GLT1D1: variants seen among roughly 807,000 people sequenced by gnomAD.
GLT1D1 encodes glycosyltransferase 1 domain-containing protein 1.
In GLT1D1, 21 loss-of-function variants were observed where a neutral mutation model predicts 28.7. The observed-to-expected ratio is 0.73, with a 90% CI of 0.52 to 1.05. The LOEUF (loss-of-function observed/expected upper bound fraction) is 1.05, where lower values mean the gene tolerates loss of function less well. Ranked by LOEUF, GLT1D1 falls within the 50% of genes least tolerant of loss-of-function variation. The probability of loss-of-function intolerance (pLI) is 0.00; values close to 1 mark genes in which losing one functional copy is unlikely to be tolerated. For synonymous variants in GLT1D1, 147 were observed against 124.8 expected (o/e 1.18, Z -1.19); for missense variants, 343 against 330.6 (o/e 1.04, Z -0.29).
chr12:128,907,264 G>C (rs1462944967), intron 4 of GLT1D1, among the ~76,000 whole-genome samples: 1 of 151,648 alleles, frequency 6.6e-6, no homozygotes, highest in Non-Finnish European at 1.5e-5. Flanking sequence ...ACCTCTGCAG[G>C]AGAAGCTCCA....
In GLT1D1 at chr12:128,957,659, T is replaced by C. The variant is rs1184558466; in HGVS notation, c.639+16T>C. 1 of 1,468,460 alleles carries C rather than the reference T, an allele frequency of 6.8e-7. No homozygotes were observed. The allele number at this position is 1,468,460 out of a possible 1,614,324, so 91.0% of individuals were successfully genotyped here. On this transcript the variant is annotated intron_variant, in intron 7 of 7. Coordinates refer to ENST00000281703, the MANE Select transcript of GLT1D1 (RefSeq NM_144669.3). ...CAATCCTCAGGTAAAGAAAAGTTCT[T>C]TCCCTCCATTCACTCACCTTATCTG...
At chr12:128,957,470 C>A in intron 6 of GLT1D1, 75 bp from the exon 11 acceptor site, 1 of 966,856 alleles carries the variant, frequency 1.0e-6, no homozygotes, top group Non-Finnish European at 1.7e-6. Flanking sequence ...GTTATTCTGC[C>A]CCGCCCTGAC....
intron 4 of GLT1D1, among the ~76,000 whole-genome samples, chr12:128,901,832 C>T (rs918674468): frequency 3.3e-5 from 5 of 151,104 alleles, no homozygotes; most frequent in Non-Finnish European, 4.4e-5. Flanking sequence ...ACTGGAGCCT[C>T]GAACACCTAG....
At chr12:128,974,128 T>A (rs1309920113) in intron 7 of GLT1D1, among the ~76,000 whole-genome samples, 2 of 152,092 alleles carry the variant, frequency 1.3e-5, no homozygotes, top group Admixed American at 1.3e-4. Context: ...AGAGGGCGCA[T>A]AGGAATAGTC....
intron 4 of GLT1D1, among the ~76,000 whole-genome samples, chr12:128,904,776 G>A (rs1660332940): frequency 2.0e-5 from 3 of 151,538 alleles, no homozygotes; most frequent in Admixed American, 1.3e-4. Flanking sequence ...TGGGATTACA[G>A]ATGCCCACCA....
intron 4 of GLT1D1, among the ~76,000 whole-genome samples, chr12:128,943,987 A>G (rs1875696300): frequency 6.6e-6 from 1 of 152,180 alleles, no homozygotes; most frequent in Non-Finnish European, 1.5e-5. Context: ...TTACTACCAA[A>G]TGCTCTTTTA....
chr12:128,913,133 C>T (rs1340004656), intron 4 of GLT1D1, among the ~76,000 whole-genome samples: 1 of 152,190 alleles, frequency 6.6e-6, no homozygotes, highest in Non-Finnish European at 1.5e-5. Context: ...ACTCTTCTCC[C>T]TTCATACTCC....
rs1300385804 is a variant in GLT1D1 at position 128,981,190 on chromosome 12, C to T, written c.640-1739C>T. ...TTACTCATAACCCCCCTCTCTCTTG[C>T]TTTATTTAAGTCTATGTTTTTTCGT... is the stretch of plus-strand genomic sequence containing the variant. On this transcript the variant is annotated intron_variant, in intron 7 of 7. Transcript: ENST00000281703. Among the ~76,000 whole-genome samples, 3 of 152,198 alleles carry T rather than the reference C, an allele frequency of 2.0e-5. No homozygotes were observed. The East Asian group carries it at 5.8e-4, about 29-fold the overall frequency.
chr12:128,975,115 G>T (rs1037293976), intron 7 of GLT1D1, among the ~76,000 whole-genome samples: 1 of 152,194 alleles, frequency 6.6e-6, no homozygotes, highest in African/African-American at 2.4e-5. Context: ...CACCATGTCT[G>T]TGGGTGGCCT....
At chr12:128,945,158 C>A (rs1470713240) in intron 4 of GLT1D1, 168 bp from the exon 9 acceptor site, 1 of 757,528 alleles carries the variant, frequency 1.3e-6, no homozygotes, top group East Asian at 2.5e-5. Context: ...TTGCCCGAGC[C>A]GGGGGCCCCC....
chr12:128,888,548 A>T, intron 2 of GLT1D1, 91 bp from the exon 3 acceptor site: 1 of 784,978 alleles, frequency 1.3e-6, no homozygotes, highest in Non-Finnish European at 2.1e-6. Flanking sequence ...GCGATCTGGG[A>T]ACTTCAGTGT....
intron 7 of GLT1D1, among the ~76,000 whole-genome samples, chr12:128,973,919 G>GGGGT (rs1555221933): frequency 9.9e-5 from 10 of 100,920 alleles, no homozygotes; most frequent in South Asian, 3.7e-4. Context: ...GTGTGTAGGG[G>GGGGT]GTGTGTGTGT....
In GLT1D1 at chr12:128,885,281, G is replaced by A. The variant is rs191635282; in HGVS notation, c.218-3358G>A. Among the ~76,000 whole-genome samples the A allele has an allele frequency of 5.9e-5, 9 of 152,264 alleles. No homozygotes were observed. In the East Asian group the frequency reaches 1.7e-3, roughly 29 times the overall value. ...TCTTTCGCCCAGGCTGGAGTGCAGT[G>A]GCACAATCTTGGCTCACTGCAACCT... is the stretch of plus-strand genomic sequence containing the variant. On this transcript the variant is annotated intron_variant, in intron 2 of 7. Transcript: ENST00000281703.
intron 7 of GLT1D1, among the ~76,000 whole-genome samples, chr12:128,962,682 A>G (rs189070684): frequency 6.6e-6 from 1 of 152,292 alleles, no homozygotes; most frequent in African/African-American, 2.4e-5. Flanking sequence ...AAATGCAGAC[A>G]ACTCAGTCAG....
At chr12:128,869,533 A>G (rs930188567) in intron 1 of GLT1D1, among the ~76,000 whole-genome samples, 4 of 152,012 alleles carry the variant, frequency 2.6e-5, no homozygotes, top group African/African-American at 9.7e-5. Context: ...TATTTATAAA[A>G]CATATTTGAA....
chr12:128,859,024 C>T (rs1371425414), intron 1 of GLT1D1, among the ~76,000 whole-genome samples: 1 of 152,162 alleles, frequency 6.6e-6, no homozygotes, highest in Non-Finnish European at 1.5e-5. Flanking sequence ...CAATGTATTT[C>T]TTAAATGTAT....
At chr12:128,979,255 C>A (rs1449381742) in intron 7 of GLT1D1, among the ~76,000 whole-genome samples, 1 of 152,204 alleles carries the variant, frequency 6.6e-6, no homozygotes, top group Non-Finnish European at 1.5e-5. Flanking sequence ...CAGCTTGAAG[C>A]CACACCTGCC....
Position 128,947,408 on chromosome 12 carries a change from G to A in GLT1D1, c.490G>A (p.Ala164Thr), listed in dbSNP as rs759619312. 6.5e-5 allele frequency: 105 copies of A among 1,613,970 alleles called. No individual in the cohort carries two copies. The highest frequency in any genetic ancestry group is 1.6e-4 in the South Asian group (15 of 91,086). ...GCACGCGGTGGTGAAGAATTGCTTCGCGGTGGTGAATAGCTCTGTCTCTGA... is the reference window on the plus strand; with the variant it reads ...GCACGCGGTGGTGAAGAATTGCTTCACGGTGGTGAATAGCTCTGTCTCTGA... The change falls in exon 6 of 8, where the codon GCG (alanine) becomes ACG (threonine). Residue 164 changes from alanine (A) to threonine (T), a missense_variant. Coordinates refer to ENST00000281703, the MANE Select transcript of GLT1D1 (RefSeq NM_144669.3).
rs56312500 is a variant in GLT1D1, at chr12:128,939,848, C to G, written c.376-5478C>G. On this transcript the variant is annotated intron_variant, in intron 4 of 7. Transcript: ENST00000281703. ...CCAAATTGTTAGAAACCCCCCCCCA[C>G]CGCCGATCCAATCACCTCCTACCAG... 2.8e-4 allele frequency among the ~76,000 whole-genome samples: 34 copies of G among 120,724 alleles called. 3 individuals are homozygous for G. Among genetic ancestry groups the G allele is most frequent in the Admixed American group, 5.2e-4 (6 of 11,632 alleles). The allele number at this position is 120,724 out of a possible 152,430, so 79.2% of individuals were successfully genotyped here. A position where few individuals can be genotyped will look rare whatever the true frequency, so the allele number is the denominator to read the frequency against.
Sources: gnomAD v4.1 joint callset for allele counts (sites outside exome capture counted in the v4.1 genomes callset) on GRCh38, gnomAD v4.1.1 for gene constraint, MANE v1.5 for transcripts, NCBI Gene and HGNC (gene_info 2026-07-23, HGNC 2026-07-21) for gene names.